IQGAP1: variants seen among roughly 807,000 people sequenced by gnomAD.
The protein encoded by IQGAP1 is ras GTPase-activating-like protein IQGAP1.
IQGAP1 carries 66 observed loss-of-function variants against 215.6 expected under a neutral mutation model. The ratio of observed to expected loss-of-function variants is 0.31; its 90% CI spans 0.25 to 0.38. The LOEUF (loss-of-function observed/expected upper bound fraction) is 0.38. IQGAP1 is among the 10% of genes least tolerant of loss of function. IQGAP1 has a pLI of 1.00. For synonymous variants in IQGAP1, 772 were observed against 728.7 expected (o/e 1.06, Z -0.96); for missense variants, 1,712 against 1,997.1 (o/e 0.86, Z 2.72).
Position 90,456,513 on chromosome 15 carries a change from G to A in IQGAP1, c.1776+198G>A, listed in dbSNP as rs141870568. ...GAGCTCATGCTGTTTTACACATTTG[G>A]GTTTTTGTTCTTTTGTTTGTTGTTG... On this transcript the variant is annotated intron_variant, in intron 15 of 37. Transcript: ENST00000268182. Among the ~76,000 whole-genome samples, 9 of 152,192 alleles carry A rather than the reference G, an allele frequency of 5.9e-5. 1 individual carries two copies. The East Asian group carries it at 1.7e-3, about 29-fold the overall frequency.
chr15:90,473,035 C>T (rs768278471), intron 19 of IQGAP1, 25 bp downstream of exon 19: 3 of 1,605,730 alleles, frequency 1.9e-6, no homozygotes, highest in Non-Finnish European at 2.6e-6. Flanking sequence ...ATCACACAGA[C>T]AGCAAGCGGG....
chr15:90,446,094 T>G (rs1188234568), intron 9 of IQGAP1, among the ~76,000 whole-genome samples: 1 of 152,232 alleles, frequency 6.6e-6, no homozygotes. Context: ...TCAGCAAATA[T>G]AAACTGGAGT....
chr15:90,496,119 G>A (rs1056475018), intron 36 of IQGAP1, among the ~76,000 whole-genome samples: 4 of 151,590 alleles, frequency 2.6e-5, no homozygotes, highest in Non-Finnish European at 4.4e-5. Flanking sequence ...AACCCGTGAG[G>A]CGTTCCAGTT....
At chr15:90,415,754 A>G (rs1051463205) in intron 2 of IQGAP1, among the ~76,000 whole-genome samples, 4 of 152,176 alleles carry the variant, frequency 2.6e-5, no homozygotes, top group African/African-American at 4.8e-5. Context: ...TGTCCCAGTT[A>G]AAGACTGTAT....
At chr15:90,437,596 C>T (rs1026888904) in intron 5 of IQGAP1, among the ~76,000 whole-genome samples, 36 of 152,246 alleles carry the variant, frequency 2.4e-4, no homozygotes, top group Non-Finnish European at 3.1e-4. Context: ...GGCTGGAACG[C>T]AGAGGTGTGA....
At chr15:90,405,277 A>T (rs991613381) in intron 2 of IQGAP1, among the ~76,000 whole-genome samples, 1 of 152,242 alleles carries the variant, frequency 6.6e-6, no homozygotes, top group African/African-American at 2.4e-5. Context: ...TTTTTGAAAC[A>T]TATGGCTTAA....
chr15:90,429,273 C>A (rs1423429945), intron 3 of IQGAP1, among the ~76,000 whole-genome samples: 1 of 152,212 alleles, frequency 6.6e-6, no homozygotes, highest in Non-Finnish European at 1.5e-5. Flanking sequence ...TGGTAAAACT[C>A]TGTCCCTAAA....
intron 2 of IQGAP1, among the ~76,000 whole-genome samples, chr15:90,410,560 A>G (rs975723934): frequency 2.0e-5 from 3 of 152,130 alleles, no homozygotes; most frequent in Admixed American, 2.0e-4. Context: ...GCTGGAAACT[A>G]TCATTCTCAG....
chr15:90,410,734 C>T (rs1394370894), intron 2 of IQGAP1, among the ~76,000 whole-genome samples: 6 of 151,252 alleles, frequency 4.0e-5, no homozygotes, highest in Admixed American at 3.3e-4. Flanking sequence ...AGGAGATATA[C>T]CTAATGCTAA....
In IQGAP1 at chr15:90,442,182, G is replaced by A. The variant is rs76028069; in HGVS notation, c.828+498G>A. Among the ~76,000 whole-genome samples the A allele has an allele frequency of 5.6e-3, 847 of 152,314 alleles. 5 individuals carry two copies. The highest frequency in any genetic ancestry group is 0.02 in the African/African-American group (818 of 41,570). On this transcript the variant is annotated intron_variant, in intron 8 of 37. Coordinates refer to ENST00000268182, the MANE Select transcript of IQGAP1 (RefSeq NM_003870.4). ...GTTTGTGTACAGTTGTTATGGGTATGTGGAAGTTAGTTAAATGATTCTGAC... is the reference window on the plus strand; with the variant it reads ...GTTTGTGTACAGTTGTTATGGGTATATGGAAGTTAGTTAAATGATTCTGAC...
intron 2 of IQGAP1, among the ~76,000 whole-genome samples, chr15:90,405,559 G>A (rs1964865663): frequency 6.6e-6 from 1 of 152,164 alleles, no homozygotes; most frequent in Non-Finnish European, 1.5e-5. Flanking sequence ...ATTGTGCTGT[G>A]ACATTAAAGA....
chr15:90,402,754 G>A (rs533612330), intron 2 of IQGAP1, among the ~76,000 whole-genome samples: 1 of 151,906 alleles, frequency 6.6e-6, no homozygotes. Flanking sequence ...AGGGAGTGGG[G>A]GCAAAATTAG....
At chr15:90,491,594 A>C in intron 34 of IQGAP1, 49 bp downstream of exon 34, 1 of 1,456,780 alleles carries the variant, frequency 6.9e-7, no homozygotes, top group East Asian at 2.3e-5. Flanking sequence ...CAAAGCTGAG[A>C]GGCTCGAGAG....
rs183693866 is a variant in IQGAP1, at chr15:90,430,124, C to T, written c.390+458C>T. Among the ~76,000 whole-genome samples the T allele has an allele frequency of 4.9e-3, 744 of 152,168 alleles. 3 individuals carry two copies. The highest frequency in any genetic ancestry group is 9.1e-3 in the South Asian group (44 of 4,820). On this transcript the variant is annotated intron_variant, in intron 4 of 37. Coordinates refer to ENST00000268182, the MANE Select transcript of IQGAP1 (RefSeq NM_003870.4). Reference sequence around the variant, plus strand: ...TTAAATTGTAGAGGTGGTAGAATGACGTTTACTTCCTGGATCTGTTTTTGG... The same window carrying T: ...TTAAATTGTAGAGGTGGTAGAATGATGTTTACTTCCTGGATCTGTTTTTGG...
intron 28 of IQGAP1, 110 bp downstream of exon 28, chr15:90,482,391 T>C: frequency 1.0e-6 from 1 of 971,356 alleles, no homozygotes; most frequent in Non-Finnish European, 1.6e-6. Flanking sequence ...GGCAGTAGCT[T>C]ACCATTGATT....
rs1965825753 is a variant in IQGAP1 at position 90,466,019 on chromosome 15, G to A, written c.1795G>A (p.Ala599Thr). ...EKAQEIQDES[A>T]VLWLDEIQGG... The stretch of plus-strand genomic sequence containing the variant: ...TATGTAGGAAATCCAGGATGAGTCA[G>A]CTGTGTTATGGTTGGATGAAATTCA... The change falls in exon 16 of 38, where the codon GCT becomes ACT. Residue 599 changes from alanine to threonine, a missense_variant. Physicochemically the swap from Ala to Thr is moderately conservative, Grantham distance 58. Transcript: ENST00000268182. 1.9e-6 allele frequency: 3 copies of A among 1,614,044 alleles called. No individual in the cohort carries two copies. Among genetic ancestry groups the A allele is most frequent in the African/African-American group, 2.7e-5 (2 of 75,034 alleles).
intron 13 of IQGAP1, among the ~76,000 whole-genome samples, chr15:90,454,020 A>C (rs965437269): frequency 2.6e-5 from 4 of 152,336 alleles, no homozygotes; most frequent in Middle Eastern, 3.4e-3. Flanking sequence ...TGCACCGTCA[A>C]AATATCTAGT....
At chr15:90,393,803 C>T (rs1964672372) in intron 2 of IQGAP1, 3 of 152,084 alleles carry the variant, frequency 2.0e-5, no homozygotes, top group Admixed American at 2.0e-4. Context: ...AGGCATGATC[C>T]CCTGAGGTGT....
intron 14 of IQGAP1, 23 bp downstream of exon 14, chr15:90,454,575 C>A (rs1440019955): frequency 6.6e-7 from 1 of 1,512,990 alleles, no homozygotes; most frequent in Admixed American, 2.2e-5. Context: ...CCTGTCCTCC[C>A]CAAATAATGT....
Sources: allele counts gnomAD v4.1 joint callset (sites outside exome capture counted in the v4.1 genomes callset), GRCh38; gene constraint gnomAD v4.1.1; transcripts MANE v1.5; gene names NCBI Gene and HGNC (gene_info 2026-07-23, HGNC 2026-07-21).